The following PCDHA6 variants were observed in gnomAD, a reference collection of about 807,000 sequenced individuals.
PCDHA6 encodes the protein protocadherin alpha-6.
In PCDHA6, 55 loss-of-function variants were observed where a neutral mutation model predicts 60.3. That is an observed-to-expected ratio of 0.91 (90% CI 0.73 to 1.14). The LOEUF (loss-of-function observed/expected upper bound fraction) is 1.14. Ranked by LOEUF, PCDHA6 falls within the 50% of genes most tolerant of loss-of-function variation. The pLI is 0.00. For synonymous variants in PCDHA6, 652 were observed against 557.9 expected, an observed-to-expected ratio of 1.17 and a Z score of -2.38; for missense variants, 1,327 against 1,256.5, an observed-to-expected ratio of 1.06 and a Z score of -0.85.
Position 140,830,083 on chromosome 5 carries a change from G to A in PCDHA6, c.1992G>A (p.Thr664=), listed in dbSNP as rs141570762. Reference sequence around the variant, plus strand: ...AGCCGGCGCTGACAGCGACGGCCACGGTTCTGGTGTCGCTGGTGGAGAGTG... The same window carrying A: ...AGCCGGCGCTGACAGCGACGGCCACAGTTCTGGTGTCGCTGGTGGAGAGTG... ...HGEPALTATA[T]VLVSLVESGQ... Residue 664 remains threonine, a synonymous_variant, in exon 1 of 4, where the codon ACG becomes ACA. Transcript: ENST00000529310. The A allele has an allele frequency of 4.0e-5, 64 of 1,613,578 alleles. No homozygotes were observed. The highest frequency in any genetic ancestry group is 5.1e-5 in the Non-Finnish European group (60 of 1,179,884).
chr5:140,838,048 T>C (rs2150282341), intron 1 of PCDHA6, among the ~76,000 whole-genome samples: 3 of 151,048 alleles, frequency 2.0e-5, no homozygotes, highest in African/African-American at 7.3e-5. Flanking sequence ...CTGCACTTTT[T>C]GGTTTTCCAC....
At chr5:140,980,237 A>C (rs1159780134) in intron 2 of PCDHA6, among the ~76,000 whole-genome samples, 1 of 152,238 alleles carries the variant, frequency 6.6e-6, no homozygotes, top group Non-Finnish European at 1.5e-5. Context: ...GTTGGTGGAG[A>C]CATGCAATGG....
chr5:140,834,412 G>C (rs2150217251), intron 1 of PCDHA6: 1 of 1,611,044 alleles, frequency 6.2e-7, no homozygotes, highest in Non-Finnish European at 8.5e-7. Context: ...TACGACCCAG[G>C]GGGCCGACAT....
At position 140,928,807 on chromosome 5, in the gene PCDHA6, C is replaced by T. The variant is rs782261335; in HGVS notation, c.2395-50142C>T. 6.2e-6 allele frequency: 10 copies of T among 1,614,094 alleles called. No homozygotes were observed. Among genetic ancestry groups the T allele is most frequent in the Non-Finnish European group, 8.5e-6 (10 of 1,180,020 alleles). On this transcript the variant is annotated intron_variant, in intron 1 of 3. Coordinates refer to ENST00000529310, the MANE Select transcript of PCDHA6 (RefSeq NM_018909.4). ...TAAGCAGAGGGTGGTGGTAGTGGTT[C>T]GGGACCATGGAGACCCACCACTTTC...
intron 1 of PCDHA6, chr5:140,877,335 G>C (rs115718636): frequency 0.047 from 75,474 of 1,613,976 alleles, 2,017 homozygotes; most frequent in Middle Eastern, 0.086. Flanking sequence ...CGCACATCCC[G>C]TTCCACGTGG....
intron 1 of PCDHA6, among the ~76,000 whole-genome samples, chr5:140,902,203 C>CTTTTT (rs148688132): frequency 5.6e-5 from 7 of 124,458 alleles, no homozygotes; most frequent in South Asian, 2.5e-4. Context: ...CTCTCTCTTT[C>CTTTTT]TTTTTTTTTT....
intron 1 of PCDHA6, chr5:140,878,049 A>G (rs1365340256): frequency 2.1e-6 from 1 of 479,780 alleles, no homozygotes; most frequent in African/African-American, 2.0e-5. Flanking sequence ...GCCATGGAGC[A>G]CCACACTTAA....
At chr5:140,934,636 G>A (rs782329021) in intron 1 of PCDHA6, among the ~76,000 whole-genome samples, 17 of 151,974 alleles carry the variant, frequency 1.1e-4, no homozygotes, top group Non-Finnish European at 1.9e-4. Flanking sequence ...CACAGGAAAG[G>A]CAGGATAAAT....
intron 1 of PCDHA6, among the ~76,000 whole-genome samples, chr5:140,941,550 C>T (rs1489599221): frequency 6.6e-6 from 1 of 151,776 alleles, no homozygotes; most frequent in Non-Finnish European, 1.5e-5. Flanking sequence ...CTCCTGACCT[C>T]GTGATCCATT....
At chr5:140,932,525 A>G (rs2088383031) in intron 1 of PCDHA6, among the ~76,000 whole-genome samples, 1 of 151,898 alleles carries the variant, frequency 6.6e-6, no homozygotes, top group Non-Finnish European at 1.5e-5. Flanking sequence ...TGTTTGTGGC[A>G]TTCAAGGTGC....
intron 1 of PCDHA6, among the ~76,000 whole-genome samples, chr5:140,921,661 A>C (rs1554200347): frequency 1.3e-5 from 2 of 152,226 alleles, no homozygotes; most frequent in African/African-American, 4.8e-5. Context: ...CTTAATAAAA[A>C]TTTAACAGTT....
At chr5:140,964,446 G>A (rs782155669) in intron 1 of PCDHA6, among the ~76,000 whole-genome samples, 2 of 152,100 alleles carry the variant, frequency 1.3e-5, no homozygotes, top group Non-Finnish European at 2.9e-5. Context: ...CTCTGCCACT[G>A]TAATCTCTTC....
chr5:140,985,505 T>C (rs2097155238), intron 3 of PCDHA6, among the ~76,000 whole-genome samples: 1 of 152,188 alleles, frequency 6.6e-6, no homozygotes, highest in Non-Finnish European at 1.5e-5. Flanking sequence ...CTGCCTTTCA[T>C]TGATTCTGTT....
intron 1 of PCDHA6, among the ~76,000 whole-genome samples, chr5:140,941,223 C>CTT (rs1276732463): frequency 3.0e-5 from 4 of 132,446 alleles, no homozygotes; most frequent in African/African-American, 1.2e-4. Context: ...TCCTTTCTTT[C>CTT]TTTCTTTCTT....
intron 1 of PCDHA6, among the ~76,000 whole-genome samples, chr5:140,955,017 T>G (rs1157818120): frequency 6.6e-6 from 1 of 152,186 alleles, no homozygotes. Context: ...CCAGCACCAT[T>G]TATTAAATAG....
intron 1 of PCDHA6, 137 bp downstream of exon 1, chr5:140,830,622 C>A (rs1390414741): frequency 1.7e-6 from 1 of 582,552 alleles, no homozygotes. Flanking sequence ...TATTGTGTTT[C>A]TTATTTTAAT....
At chr5:140,871,306 AAGCCCAC>A in intron 1 of PCDHA6, 1 of 1,613,964 alleles carries the variant, frequency 6.2e-7, no homozygotes, top group East Asian at 2.2e-5. Flanking sequence ...CGCGCCGGGG[AAGCCCAC>A]GCTGGTGTGC....
intron 1 of PCDHA6, chr5:140,884,619 A>G (rs782146160): frequency 3.1e-6 from 5 of 1,614,074 alleles, no homozygotes; most frequent in Non-Finnish European, 4.2e-6. Context: ...GGTTCTGCAG[A>G]GGGAACAGGC....
At chr5:140,858,561 C>T in intron 1 of PCDHA6, 1 of 1,370,342 alleles carries the variant, frequency 7.3e-7, no homozygotes, top group Non-Finnish European at 1.0e-6. Flanking sequence ...TTGAATATTT[C>T]TAGTGATACC....
Sources: allele counts gnomAD v4.1 joint callset (sites outside exome capture counted in the v4.1 genomes callset), GRCh38; gene constraint gnomAD v4.1.1; transcripts MANE v1.5; gene names NCBI Gene and HGNC (gene_info 2026-07-23, HGNC 2026-07-21).